PRICKLE4: variants seen among roughly 807,000 people sequenced by gnomAD.
PRICKLE4 encodes the protein prickle-like protein 4.
In PRICKLE4, 40 loss-of-function variants were observed where a neutral mutation model predicts 43.5. The observed-to-expected ratio is 0.92, with a 90% CI of 0.71 to 1.20. The LOEUF (loss-of-function observed/expected upper bound fraction) is 1.20, where lower values mean the gene tolerates loss of function less well. PRICKLE4 is among the 50% of genes most tolerant of loss of function. The pLI, the probability that PRICKLE4 is intolerant of heterozygous loss-of-function variation, is 0.00. For synonymous variants in PRICKLE4, 208 were observed against 197.4 expected, an observed-to-expected ratio of 1.05 and a Z score of -0.45; for missense variants, 527 against 491.2, an observed-to-expected ratio of 1.07 and a Z score of -0.69.
Position 41,780,815 on chromosome 6 carries a change from C to T in PRICKLE4, c.-195C>T, listed in dbSNP as rs2127304118. The stretch of plus-strand genomic sequence containing the variant: ...CGGTCCAGAACTGCCCGGACAGCGA[C>T]GCACAGCGAGGGTGAGACCCCAGCG... On this transcript the variant is annotated 5_prime_UTR_variant, in exon 1 of 8. It adds an upstream start codon to the 5' untranslated region. Transcript: ENST00000458694. The T allele has an allele frequency of 4.6e-6, 1 of 215,476 alleles. No individual in the cohort carries two copies. Among genetic ancestry groups the T allele is most frequent in the South Asian group, 5.2e-5 (1 of 19,318 alleles). 13.3% of individuals were successfully genotyped at this position (215,476 alleles called of 1,614,324 possible). A position where few individuals can be genotyped will look rare whatever the true frequency, so the allele number is the denominator to read the frequency against.
intron 6 of PRICKLE4, 32 bp downstream of exon 6, chr6:41,785,572 G>T: frequency 1.9e-6 from 3 of 1,596,000 alleles, no homozygotes; most frequent in Non-Finnish European, 1.7e-6. Flanking sequence ...CTGGGGGTCT[G>T]CCCAGAGTCC....
intron 6 of PRICKLE4, 24 bp from the exon 7 acceptor site, chr6:41,786,103 TC>T (rs1561896637): frequency 6.3e-7 from 1 of 1,599,488 alleles, no homozygotes; most frequent in Non-Finnish European, 8.6e-7. Flanking sequence ...AATGAAACGT[TC>T]CCCTCTCCCT....
rs1243666412 is a variant in PRICKLE4, at chr6:41,787,071, C to T, written c.1097C>T (p.Pro366Leu). ...CGCCTTCCCCAGTCCTGGAAGACCCCCGGAAGCCTCCAAGCAGAGGACAGC... is the reference window on the plus strand; with the variant it reads ...CGCCTTCCCCAGTCCTGGAAGACCCTCGGAAGCCTCCAAGCAGAGGACAGC... ...GERLPQSWKT[P>L]GSLQAEDSNA... The change falls in exon 8 of 8, where the codon CCC becomes CTC. Residue 366 changes from proline (P) to leucine (L), a missense_variant. By Grantham distance (98) the Pro-to-Leu change is moderately conservative (BLOSUM62 -3). Transcript: ENST00000458694. 3 of 1,613,018 alleles carry T rather than the reference C, an allele frequency of 1.9e-6. No homozygotes were observed. The highest frequency in any genetic ancestry group is 1.1e-5 in the South Asian group (1 of 91,086).
At chr6:41,785,604 A>G in intron 6 of PRICKLE4, 64 bp downstream of exon 6, 1 of 1,509,520 alleles carries the variant, frequency 6.6e-7, no homozygotes, top group Non-Finnish European at 9.0e-7. Flanking sequence ...ATACAAAGGG[A>G]CACTCTCCTG....
rs1292236400 is a variant in PRICKLE4, at chr6:41,787,082, C to T, written c.1108C>T (p.Gln370Ter). 1 of 1,612,276 alleles carries T rather than the reference C, an allele frequency of 6.2e-7. No individual in the cohort carries two copies. Among genetic ancestry groups the T allele is most frequent in the East Asian group, 2.2e-5 (1 of 44,852 alleles). The stretch of plus-strand genomic sequence containing the variant: ...GTCCTGGAAGACCCCCGGAAGCCTC[C>T]AAGCAGAGGACAGCAACGCCTCTAA... ...PQSWKTPGSL[Q>*]AEDSNASKTH... Residue 370 changes from glutamine to a stop codon, truncating the protein, a stop_gained, in exon 8 of 8, where the codon CAA (glutamine) becomes TAA (stop). Coordinates refer to ENST00000458694, the MANE Select transcript of PRICKLE4 (RefSeq NM_013397.6). LOFTEE classifies it high-confidence loss of function.
At position 41,785,522 on chromosome 6, in the gene PRICKLE4, C is replaced by T. The variant is rs765117372; in HGVS notation, c.564C>T (p.Arg188=). 4.3e-6 allele frequency: 7 copies of T among 1,613,240 alleles called. No homozygotes were observed. The highest frequency in any genetic ancestry group is 5.9e-6 in the Non-Finnish European group (7 of 1,180,014). The part of the protein sequence containing the change: ...GRHHAELLRP[R]CPACDQLIFS... ...ATCATGCAGAGTTGCTGCGCCCGCG[C>T]TGCCCGGCTTGTGACCAGGTACAGC... The change falls in exon 6 of 8, where the codon CGC becomes CGT. Residue 188 remains arginine, a synonymous_variant. Coordinates refer to ENST00000458694, the MANE Select transcript of PRICKLE4 (RefSeq NM_013397.6).
At position 41,785,076 on chromosome 6, in the gene PRICKLE4, T is replaced by A. The variant is rs750454440; in HGVS notation, c.378+4T>A. 9 of 1,613,514 alleles carry A rather than the reference T, an allele frequency of 5.6e-6. No homozygotes were observed. Among genetic ancestry groups the A allele is most frequent in the Non-Finnish European group, 6.8e-6 (8 of 1,179,758 alleles). On this transcript the variant is annotated splice_donor_region_variant and intron_variant, in intron 5 of 7. Transcript: ENST00000458694. ...TGAAGGACACACCTGTGAGAAGGTA[T>A]GTAGCACCCCTCCCCCCAAATTCCC...
chr6:41,781,183 G>A (rs1772547129), intron 1 of PRICKLE4, 167 bp from the exon 2 acceptor site: 1 of 152,760 alleles, frequency 6.5e-6, no homozygotes, highest in East Asian at 1.9e-4. Flanking sequence ...ATCTGAGGTG[G>A]GAGGGGGAAG....
In PRICKLE4 at chr6:41,781,409, T is replaced by G. The variant is rs1210387264; in HGVS notation, c.-124T>G. 6.5e-6 allele frequency: 1 copy of G among 153,422 alleles called. No individual in the cohort carries two copies. Among genetic ancestry groups the G allele is most frequent in the Non-Finnish European group, 1.5e-5 (1 of 68,664 alleles). 9.5% of individuals were successfully genotyped at this position (153,422 alleles called of 1,614,324 possible). On this transcript the variant is annotated 5_prime_UTR_variant, in exon 2 of 8. Transcript: ENST00000458694. ...GGGCCCCAGACGCCCCCTCCTTTCT[T>G]GCTGCCTGGAGCAGGGGCAGTGCTG...
At chr6:41,784,723 T>A in intron 4 of PRICKLE4, 1 of 607,342 alleles carries the variant, frequency 1.6e-6, no homozygotes, top group Non-Finnish European at 2.8e-6. Context: ...AGGACCTGAT[T>A]GATGACATTC....
At position 41,784,120 on chromosome 6, in the gene PRICKLE4, T is replaced by C. The variant is rs1216883206; in HGVS notation, c.133-11T>C. 1.3e-6 allele frequency: 2 copies of C among 1,591,616 alleles called. No individual in the cohort carries two copies. The highest frequency in any genetic ancestry group is 1.7e-6 in the Non-Finnish European group (2 of 1,167,924). On this transcript the variant is annotated splice_polypyrimidine_tract_variant and intron_variant, in intron 3 of 7. Coordinates refer to ENST00000458694, the MANE Select transcript of PRICKLE4 (RefSeq NM_013397.6). ...TAGTTTCACTCCTCCCCTTCTTCCATGTCTCCTCAGGGTCCTGCAGTTCTG... is the reference window on the plus strand; with the variant it reads ...TAGTTTCACTCCTCCCCTTCTTCCACGTCTCCTCAGGGTCCTGCAGTTCTG...
In PRICKLE4 at chr6:41,787,023, C is replaced by T; in HGVS notation, c.1049C>T (p.Pro350Leu). 6.2e-7 allele frequency: 1 copy of T among 1,614,056 alleles called. No individual in the cohort carries two copies. Among genetic ancestry groups the T allele is most frequent in the African/African-American group, 1.3e-5 (1 of 74,996 alleles). Residue 350 changes from proline to leucine, a missense_variant, in exon 8 of 8, where the codon CCT becomes CTT. Physicochemically the swap from Pro to Leu is moderately conservative, Grantham distance 98 (BLOSUM62 -3). Transcript: ENST00000458694. ...STCSSSSDSE[P>L]EGFFLGERLP... is the part of the protein sequence containing the mutation. ...TGCTCCTCCTCCTCTGACTCGGAAC[C>T]TGAAGGATTTTTCTTAGGCGAGCGC... is the stretch of plus-strand genomic sequence containing the variant.
chr6:41,781,764 C>T (rs1479873566), intron 2 of PRICKLE4, among the ~76,000 whole-genome samples: 1 of 152,186 alleles, frequency 6.6e-6, no homozygotes, highest in Non-Finnish European at 1.5e-5. Context: ...CCCCCTAAGG[C>T]TTCCCTTAGC....
rs774787046 is a variant in PRICKLE4 at position 41,785,015 on chromosome 6, G to C, written c.321G>C (p.Leu107=). 1.3e-5 allele frequency: 21 copies of C among 1,613,532 alleles called. No homozygotes were observed. The highest frequency in any genetic ancestry group is 1.6e-5 in the Non-Finnish European group (19 of 1,179,844). Residue 107 remains leucine (L), a synonymous_variant, in exon 5 of 8, where the codon CTG becomes CTC. Transcript: ENST00000458694. ...LFCARRKQEA[L]GQGVARLVLP... ...GTGCCAGGCGGAAGCAGGAAGCCCT[G>C]GGACAGGGGGTAGCCCGCCTGGTAC... is the stretch of plus-strand genomic sequence containing the variant.
chr6:41,786,387 G>T lies in PRICKLE4; in HGVS notation c.787+55G>T, dbSNP rs993531229. 3.2e-5 allele frequency: 49 copies of T among 1,510,352 alleles called. No homozygotes were observed. In the African/African-American group the frequency reaches 6.3e-4, roughly 20 times the overall value. 93.6% of individuals were successfully genotyped at this position (1,510,352 alleles called of 1,614,324 possible). On this transcript the variant is annotated intron_variant, in intron 7 of 7. Coordinates refer to ENST00000458694, the MANE Select transcript of PRICKLE4 (RefSeq NM_013397.6). ...AGGGAGCTTGGGCTGGGCTGTGGGG[G>T]TTCTCCCGGGCTGGGACCCTCGCCC...
At chr6:41,783,384 T>TC in intron 2 of PRICKLE4, 78 bp from the exon 3 acceptor site, 1 of 1,344,418 alleles carries the variant, frequency 7.4e-7, no homozygotes, top group South Asian at 1.6e-5. Flanking sequence ...AGGGAAATAA[T>TC]ATCTATAAAG....
At chr6:41,782,679 A>T (rs1344736893) in intron 2 of PRICKLE4, among the ~76,000 whole-genome samples, 4 of 152,176 alleles carry the variant, frequency 2.6e-5, no homozygotes, top group Admixed American at 6.5e-5. Flanking sequence ...GGCGTGAGCC[A>T]CCGTGCCCAG....
At chr6:41,786,360 G>A (rs1429148388) in intron 7 of PRICKLE4, 28 bp downstream of exon 7, 1 of 1,544,350 alleles carries the variant, frequency 6.5e-7, no homozygotes, top group Non-Finnish European at 8.7e-7. Flanking sequence ...GAGCAAAGCG[G>A]GAGGGAGCTT....
At position 41,785,077 on chromosome 6, in the gene PRICKLE4, G is replaced by T. The variant is rs1181265562; in HGVS notation, c.378+5G>T. The T allele has an allele frequency of 6.2e-7, 1 of 1,613,294 alleles. No individual in the cohort carries two copies. Among genetic ancestry groups the T allele is most frequent in the Non-Finnish European group, 8.5e-7 (1 of 1,179,738 alleles). The stretch of plus-strand genomic sequence containing the variant: ...GAAGGACACACCTGTGAGAAGGTAT[G>T]TAGCACCCCTCCCCCCAAATTCCCC... On this transcript the variant is annotated splice_donor_5th_base_variant and intron_variant, in intron 5 of 7. Coordinates refer to ENST00000458694, the MANE Select transcript of PRICKLE4 (RefSeq NM_013397.6).
Sources: gnomAD v4.1 joint callset for allele counts (sites outside exome capture counted in the v4.1 genomes callset) on GRCh38, gnomAD v4.1.1 for gene constraint, MANE v1.5 for transcripts, NCBI Gene and HGNC (gene_info 2026-07-23, HGNC 2026-07-21) for gene names.